Variants in ARK2N observed in about 807,000 individuals in gnomAD.
ARK2N encodes protein ARK2N.
At chr18:46,193,490 C>T in the ARK2N span, among the ~76,000 whole-genome samples, 1 of 151,028 alleles carries the variant, frequency 6.6e-6, no homozygotes, top group Non-Finnish European at 1.5e-5. Context: ...GGTTTCACCA[C>T]GTTGGTCAGG....
the ARK2N span, among the ~76,000 whole-genome samples, chr18:46,191,743 A>G: frequency 6.6e-6 from 1 of 152,112 alleles, no homozygotes; most frequent in African/African-American, 2.4e-5. Context: ...GTATGGGCAA[A>G]TTTGCAATGA....
At chr18:46,230,823 G>T in the ARK2N span, among the ~76,000 whole-genome samples, 1 of 152,174 alleles carries the variant, frequency 6.6e-6, no homozygotes, top group Non-Finnish European at 1.5e-5. Context: ...TTTATTACTG[G>T]TTGTTACATG....
chr18:46,256,619 G>T, the ARK2N span, among the ~76,000 whole-genome samples: 9 of 152,100 alleles, frequency 5.9e-5, no homozygotes, highest in South Asian at 4.1e-4. Context: ...GCATAAAGCT[G>T]TGTTTTATTC....
At chr18:46,202,781 C>T in the ARK2N span, among the ~76,000 whole-genome samples, 3 of 146,646 alleles carry the variant, frequency 2.0e-5, no homozygotes, top group Non-Finnish European at 3.0e-5. Context: ...GAGTGAGACT[C>T]GGTCGCAAAA....
the ARK2N span, among the ~76,000 whole-genome samples, chr18:46,240,513 A>G: frequency 6.6e-6 from 1 of 152,100 alleles, no homozygotes; most frequent in Non-Finnish European, 1.5e-5. Flanking sequence ...TTCTTTGGCC[A>G]GTTCTTTCTC....
At chr18:46,248,099 ATGAG>A in the ARK2N span, among the ~76,000 whole-genome samples, 1 of 152,230 alleles carries the variant, frequency 6.6e-6, no homozygotes, top group Non-Finnish European at 1.5e-5. Flanking sequence ...TGTTTCATGA[ATGAG>A]TAACAGTCAT....
chr18:46,215,014 G>GT, the ARK2N span, among the ~76,000 whole-genome samples: 4 of 152,116 alleles, frequency 2.6e-5, no homozygotes, highest in South Asian at 2.1e-4. Context: ...TTGTGTTTTT[G>GT]TTTTTTTAAA....
the ARK2N span, among the ~76,000 whole-genome samples, chr18:46,188,077 G>T: frequency 1.3e-5 from 2 of 152,084 alleles, no homozygotes; most frequent in Non-Finnish European, 2.9e-5. Context: ...TGTAAGCCTA[G>T]TATTATTAAA....
At chr18:46,199,347 C>T in the ARK2N span, among the ~76,000 whole-genome samples, 2,344 of 151,782 alleles carry the variant, frequency 0.015, 73 homozygotes, top group African/African-American at 0.053. Context: ...TGGAATCTCT[C>T]GCTGTTGCCC....
the ARK2N span, among the ~76,000 whole-genome samples, chr18:46,259,202 T>G: frequency 6.6e-6 from 1 of 151,952 alleles, no homozygotes; most frequent in African/African-American, 2.4e-5. Flanking sequence ...TAACAAGCAC[T>G]CAGATCAGAA....
chr18:46,203,327 G>A, the ARK2N span, among the ~76,000 whole-genome samples: 1 of 152,140 alleles, frequency 6.6e-6, no homozygotes, highest in African/African-American at 2.4e-5. Context: ...AGCTGCTGTT[G>A]CATACTGTTG....
At chr18:46,175,148 A>G in the ARK2N span, among the ~76,000 whole-genome samples, 1 of 16,632 alleles carries the variant, frequency 6.0e-5, no homozygotes, top group Non-Finnish European at 1.2e-4. Flanking sequence ...GGCAGCCCCC[A>G]TCACAAAATT....
the ARK2N span, among the ~76,000 whole-genome samples, chr18:46,174,997 G>A: frequency 6.6e-6 from 1 of 152,212 alleles, no homozygotes; most frequent in African/African-American, 2.4e-5. Context: ...AAAATAGACC[G>A]CTTCTGGGGA....
chr18:46,198,548 G>A, the ARK2N span, among the ~76,000 whole-genome samples: 1 of 151,968 alleles, frequency 6.6e-6, no homozygotes, highest in Non-Finnish European at 1.5e-5. Flanking sequence ...ATACGCAAAT[G>A]TAGGTAGATT....
the ARK2N span, among the ~76,000 whole-genome samples, chr18:46,182,517 G>A: frequency 6.6e-6 from 1 of 152,152 alleles, no homozygotes; most frequent in African/African-American, 2.4e-5. Context: ...GCAGAGTTGG[G>A]AGGGTAGCTT....
chr18:46,195,985 C>G, the ARK2N span, among the ~76,000 whole-genome samples: 3 of 142,946 alleles, frequency 2.1e-5, no homozygotes, highest in South Asian at 6.6e-4. Context: ...TTTTCTTTTT[C>G]TTTTTTTTTT....
At chr18:46,181,511 G>A in the ARK2N span, among the ~76,000 whole-genome samples, 5 of 151,922 alleles carry the variant, frequency 3.3e-5, no homozygotes, top group Non-Finnish European at 5.9e-5. Flanking sequence ...TCAGGAGATC[G>A]AGACCATCCT....
the ARK2N span, among the ~76,000 whole-genome samples, chr18:46,187,669 A>G: frequency 0.011 from 1,742 of 152,022 alleles, 59 homozygotes; most frequent in East Asian, 0.12. Flanking sequence ...AGAAATTTTT[A>G]TTTTCTTGGA....
the ARK2N span, among the ~76,000 whole-genome samples, chr18:46,241,952 G>T: frequency 6.6e-6 from 1 of 150,888 alleles, no homozygotes; most frequent in Admixed American, 6.6e-5. Flanking sequence ...GAGTAGCTGG[G>T]ATTACAGGCG....
Sources: gnomAD v4.1 joint callset for allele counts (sites outside exome capture counted in the v4.1 genomes callset) on GRCh38, gnomAD v4.1.1 for gene constraint, MANE v1.5 for transcripts, NCBI Gene and HGNC (gene_info 2026-07-23, HGNC 2026-07-21) for gene names.